Variants in HIVEP3 observed in about 807,000 individuals in gnomAD.
HIVEP3 encodes HIVEP zinc finger 3, also known as transcription factor HIVEP3.
A neutral mutation model predicts 152.8 loss-of-function variants in HIVEP3; 49 were observed. That is an observed-to-expected ratio of 0.32 (90% CI 0.26 to 0.41). The LOEUF is 0.41. Ranked by LOEUF, HIVEP3 falls within the 10% of genes least tolerant of loss-of-function variation. HIVEP3 has a pLI of 1.00. For synonymous variants in HIVEP3, 1,269 were observed against 1,289.0 expected, an observed-to-expected ratio of 0.98 and a Z score of 0.33; for missense variants, 2,790 against 3,103.3, an observed-to-expected ratio of 0.90 and a Z score of 2.40.
At chr1:41,645,978 C>T (rs776361143) in intron 2 of HIVEP3, among the ~76,000 whole-genome samples, 1 of 152,158 alleles carries the variant, frequency 6.6e-6, no homozygotes. Context: ...TTTTGCACCC[C>T]GGGCACCTTG....
chr1:41,669,279 G>T (rs1020369696), intron 2 of HIVEP3, among the ~76,000 whole-genome samples: 1 of 152,170 alleles, frequency 6.6e-6, no homozygotes, highest in African/African-American at 2.4e-5. Flanking sequence ...AGCGCTGAGG[G>T]GAGACCTGGG....
intron 2 of HIVEP3, among the ~76,000 whole-genome samples, chr1:41,632,122 G>A (rs930443961): frequency 1.3e-5 from 2 of 152,076 alleles, no homozygotes; most frequent in African/African-American, 2.4e-5. Context: ...GCTCAGCCAC[G>A]GCTTAAAGCC....
chr1:41,675,762 T>C (rs1461515733), intron 2 of HIVEP3, among the ~76,000 whole-genome samples: 1 of 152,216 alleles, frequency 6.6e-6, no homozygotes, highest in African/African-American at 2.4e-5. Flanking sequence ...GCACCTGGCA[T>C]AGAATATGAT....
intron 1 of HIVEP3, among the ~76,000 whole-genome samples, chr1:41,795,515 T>C (rs577470432): frequency 6.6e-4 from 101 of 152,334 alleles, no homozygotes; most frequent in African/African-American, 2.0e-3. Context: ...TACTCTATTA[T>C]TTGGAAGTGA....
At chr1:41,576,837 A>C (rs1018980646) in intron 4 of HIVEP3, among the ~76,000 whole-genome samples, 1 of 152,194 alleles carries the variant, frequency 6.6e-6, no homozygotes, top group Non-Finnish European at 1.5e-5. Context: ...GACCATCTTG[A>C]AGATCAATTC....
Position 41,873,917 on chromosome 1 carries a change from C to T in HIVEP3, c.-801+44496G>A, listed in dbSNP as rs1281677294. Reference sequence around the variant, plus strand: ...ACTGGCCCAGGCAGCCTTGTACTTGCTTCATTCTGGGGTCAGGAAGAAGCT... The same window carrying T: ...ACTGGCCCAGGCAGCCTTGTACTTGTTTCATTCTGGGGTCAGGAAGAAGCT... On this transcript the variant is annotated intron_variant, in intron 1 of 8. Coordinates refer to ENST00000372583, the MANE Select transcript of HIVEP3 (RefSeq NM_024503.5). The surrounding 1 kb of genome is among the most constrained non-coding windows in gnomAD (Gnocchi z 4.2). 2.0e-5 allele frequency among the ~76,000 whole-genome samples: 3 copies of T among 152,210 alleles called. No homozygotes were observed. The highest frequency in any genetic ancestry group is 4.4e-5 in the Non-Finnish European group (3 of 68,026).
chr1:41,617,429 T>C (rs565524659), intron 3 of HIVEP3, among the ~76,000 whole-genome samples: 1 of 152,362 alleles, frequency 6.6e-6, no homozygotes, highest in Admixed American at 6.5e-5. Context: ...CTGACCCTTT[T>C]TCTCCAGACA....
At chr1:41,967,416 A>G (rs1645205446) in intron 1 of HIVEP3, among the ~76,000 whole-genome samples, 1 of 152,226 alleles carries the variant, frequency 6.6e-6, no homozygotes, top group South Asian at 2.1e-4. Context: ...CCACACAACT[A>G]CATGAAAATT....
chr1:41,784,997 T>C (rs760973551), intron 1 of HIVEP3, among the ~76,000 whole-genome samples: 1 of 152,174 alleles, frequency 6.6e-6, no homozygotes, highest in South Asian at 2.1e-4. Flanking sequence ...ATACTGTTAA[T>C]TGTTGACTGA....
At chr1:42,015,511 G>A (rs1335138979) in intron 1 of HIVEP3, among the ~76,000 whole-genome samples, 4 of 152,190 alleles carry the variant, frequency 2.6e-5, no homozygotes, top group Non-Finnish European at 1.5e-5. Context: ...AGGAACCACG[G>A]ACATCTGCCT....
At chr1:41,680,614 T>C (rs1646024021) in intron 2 of HIVEP3, among the ~76,000 whole-genome samples, 1 of 152,242 alleles carries the variant, frequency 6.6e-6, no homozygotes, top group African/African-American at 2.4e-5. Context: ...AACTGCCCTG[T>C]GCTCTGCTCT....
At chr1:41,819,007 C>T (rs1176670459) in intron 1 of HIVEP3, among the ~76,000 whole-genome samples, 3 of 152,106 alleles carry the variant, frequency 2.0e-5, no homozygotes, top group Non-Finnish European at 4.4e-5. Flanking sequence ...AGGTATGGGC[C>T]GGAAGCTATT....
At chr1:41,672,027 C>G (rs770698138) in intron 2 of HIVEP3, among the ~76,000 whole-genome samples, 8 of 152,168 alleles carry the variant, frequency 5.3e-5, no homozygotes, top group Non-Finnish European at 1.2e-4. Flanking sequence ...CCAGGCTAAG[C>G]AGTTGGGGTT....
chr1:42,020,617 C>T (rs1645548297), intron 1 of HIVEP3, among the ~76,000 whole-genome samples: 1 of 152,130 alleles, frequency 6.6e-6, no homozygotes, highest in Non-Finnish European at 1.5e-5. Context: ...CTACCTCTAT[C>T]ATATAAAAAT....
intron 1 of HIVEP3, among the ~76,000 whole-genome samples, chr1:41,787,815 G>A (rs1205958039): frequency 6.6e-6 from 1 of 151,976 alleles, no homozygotes; most frequent in South Asian, 2.1e-4. Context: ...AATTACAGGC[G>A]TAAGCCTCTG....
chr1:41,681,690 A>G (rs1331620427), intron 2 of HIVEP3, among the ~76,000 whole-genome samples: 1 of 152,080 alleles, frequency 6.6e-6, no homozygotes, highest in Non-Finnish European at 1.5e-5. Context: ...TTCCCCAGAG[A>G]CCATCCTAAT....
chr1:41,947,653 T>A (rs1299124908), intron 1 of HIVEP3, among the ~76,000 whole-genome samples: 1 of 152,222 alleles, frequency 6.6e-6, no homozygotes. Flanking sequence ...TTAAGCTTGC[T>A]AATGGGGCAA....
At chr1:41,568,601 C>A (rs140147102) in intron 5 of HIVEP3, among the ~76,000 whole-genome samples, 1 of 152,274 alleles carries the variant, frequency 6.6e-6, no homozygotes, top group Non-Finnish European at 1.5e-5. Context: ...CTGTGATCAC[C>A]CAGGTGTGAG....
Position 41,511,149 on chromosome 1 carries a change from TC to T in HIVEP3, c.6522del (p.Asn2175ThrfsTer13), listed in dbSNP as rs1644449714. On this transcript the variant is annotated frameshift_variant, in exon 9 of 9. Transcript: ENST00000372583. LOFTEE classifies it high-confidence loss of function. The surrounding 1 kb of genome is among the most constrained non-coding windows in gnomAD (Gnocchi z 4.9). ...TGCAGAGGCAGGTGGCTGAAGATGT[TC>T]TCCTCTGTCCGGGCCAGGATGTGGC... The part of the protein sequence containing the change: ...FHGHILARTE[E>X]NIFSHLPLHS... 6.2e-7 allele frequency: 1 copy of T among 1,613,860 alleles called. No homozygotes were observed. The highest frequency in any genetic ancestry group is 1.3e-5 in the African/African-American group (1 of 74,866).
Sources: allele counts gnomAD v4.1 joint callset (sites outside exome capture counted in the v4.1 genomes callset), GRCh38; gene constraint gnomAD v4.1.1; non-coding constraint Gnocchi (gnomAD v3.1); transcripts MANE v1.5; gene names NCBI Gene and HGNC (gene_info 2026-07-23, HGNC 2026-07-21).